The following CPE variants were observed in gnomAD, a reference collection of about 807,000 sequenced individuals.
CPE encodes carboxypeptidase E.
A neutral mutation model predicts 53.5 loss-of-function variants in CPE; 17 were observed. That is an observed-to-expected ratio of 0.32 (90% CI 0.22 to 0.48). The LOEUF is 0.48. CPE is among the 20% of genes least tolerant of loss of function. The pLI, the probability that CPE is intolerant of heterozygous loss-of-function variation, is 0.99. For missense variants in CPE, 524 were observed against 614.7 expected (o/e 0.85, Z 1.56); for synonymous variants, 226 against 228.8 (o/e 0.99, Z 0.11).
intron 6 of CPE, among the ~76,000 whole-genome samples, chr4:165,492,288 G>C (rs1732620724): frequency 6.6e-6 from 1 of 152,156 alleles, no homozygotes. Flanking sequence ...AGCAGTCACA[G>C]TATATATCTT....
At chr4:165,424,658 C>G (rs1227160121) in intron 1 of CPE, among the ~76,000 whole-genome samples, 1 of 151,812 alleles carries the variant, frequency 6.6e-6, no homozygotes, top group Non-Finnish European at 1.5e-5. Context: ...CTCAGCCTCC[C>G]GAGTACCTGG....
At position 165,379,126 on chromosome 4, in the gene CPE, C is replaced by G. The variant is rs2126648087; in HGVS notation, c.-96C>G. 1.8e-6 allele frequency: 2 copies of G among 1,098,154 alleles called. No individual in the cohort carries two copies. Among genetic ancestry groups the G allele is most frequent in the Non-Finnish European group, 2.3e-6 (2 of 876,786 alleles). 68.0% of individuals were successfully genotyped at this position (1,098,154 alleles called of 1,614,324 possible). On this transcript the variant is annotated 5_prime_UTR_variant, in exon 1 of 9. Transcript: ENST00000402744. This position sits in a 1 kb window ranked among gnomAD's most constrained non-coding sequence, Gnocchi z 6.0. Reference sequence around the variant, plus strand: ...GAGTAGAGGCTGGTGCGGAACTTGCCGCCCCCAGCAGCGCCGGCGGGCTAA... The same window carrying G: ...GAGTAGAGGCTGGTGCGGAACTTGCGGCCCCCAGCAGCGCCGGCGGGCTAA...
intron 1 of CPE, among the ~76,000 whole-genome samples, chr4:165,437,985 G>T (rs1731541194): frequency 6.6e-6 from 1 of 152,078 alleles, no homozygotes; most frequent in African/African-American, 2.4e-5. Context: ...ACTAGATGTT[G>T]GCACTCAACA....
At chr4:165,404,402 A>G (rs2126663465) in intron 1 of CPE, 1 of 765,034 alleles carries the variant, frequency 1.3e-6, no homozygotes, top group Non-Finnish European at 2.4e-6. Flanking sequence ...AATACCGTTC[A>G]TGTCAGAATT....
At chr4:165,380,307 T>C (rs992064228) in intron 1 of CPE, among the ~76,000 whole-genome samples, 2 of 152,130 alleles carry the variant, frequency 1.3e-5, no homozygotes, top group African/African-American at 4.8e-5. Context: ...TATAACCATT[T>C]GAGATGAATA....
rs150907869 is a variant in CPE, at chr4:165,479,312, G to A, written c.673-2930G>A. ...ATAAGAGTGTATTTCAGATCCCTGT[G>A]GAAAGAATGCATTATTGAATACATG... is the stretch of plus-strand genomic sequence containing the variant. On this transcript the variant is annotated intron_variant, in intron 3 of 8. Transcript: ENST00000402744. Among the ~76,000 whole-genome samples the A allele has an allele frequency of 6.1e-4, 93 of 152,174 alleles. No individual in the cohort carries two copies. The East Asian group carries it at 0.015, about 24-fold the overall frequency.
chr4:165,429,365 A>G (rs13131741), intron 1 of CPE, among the ~76,000 whole-genome samples: 44,906 of 152,062 alleles, frequency 0.3, 6,713 homozygotes, highest in Middle Eastern at 0.39. Flanking sequence ...TTATACAAAA[A>G]CATTCCCACT....
intron 1 of CPE, among the ~76,000 whole-genome samples, chr4:165,454,013 G>T (rs1320389623): frequency 1.3e-5 from 2 of 151,894 alleles, no homozygotes; most frequent in African/African-American, 4.8e-5. Context: ...ACAGTGGTGT[G>T]CTGGTAAATG....
At chr4:165,465,541 T>A (rs541166391) in intron 2 of CPE, among the ~76,000 whole-genome samples, 1 of 152,236 alleles carries the variant, frequency 6.6e-6, no homozygotes, top group East Asian at 1.9e-4. Context: ...TATCTAAACT[T>A]CCATGACTTA....
intron 3 of CPE, among the ~76,000 whole-genome samples, chr4:165,479,482 G>C (rs1198900296): frequency 6.6e-6 from 1 of 152,284 alleles, no homozygotes; most frequent in African/African-American, 2.4e-5. Context: ...TAAATTTCTT[G>C]TATAGACACT....
intron 1 of CPE, among the ~76,000 whole-genome samples, chr4:165,450,103 T>A (rs962893746): frequency 1.8e-4 from 24 of 136,642 alleles, no homozygotes; most frequent in Non-Finnish European, 3.5e-4. Context: ...TCTTTATTTC[T>A]TCATTTTTTT....
chr4:165,385,801 C>T (rs539461106), intron 1 of CPE, among the ~76,000 whole-genome samples: 29 of 152,234 alleles, frequency 1.9e-4, no homozygotes, highest in South Asian at 8.3e-4. Flanking sequence ...AATAAATCTA[C>T]GGCAATATCA....
At chr4:165,450,788 T>C (rs1731794792) in intron 1 of CPE, among the ~76,000 whole-genome samples, 1 of 152,232 alleles carries the variant, frequency 6.6e-6, no homozygotes, top group Non-Finnish European at 1.5e-5. Context: ...ATAATGAATC[T>C]TGGAGCTGAA....
At chr4:165,415,183 A>G (rs1325176216) in intron 1 of CPE, 1 of 166,964 alleles carries the variant, frequency 6.0e-6, no homozygotes, top group Non-Finnish European at 1.5e-5. Context: ...TTGGAGAATG[A>G]TCTTTACAGG....
At chr4:165,438,264 C>T (rs538773621) in intron 1 of CPE, among the ~76,000 whole-genome samples, 13 of 152,054 alleles carry the variant, frequency 8.5e-5, no homozygotes, top group South Asian at 8.3e-4. Flanking sequence ...TGAGTATGAG[C>T]AATATTGGCG....
intron 6 of CPE, among the ~76,000 whole-genome samples, chr4:165,487,989 AGAGT>A (rs1310578448): frequency 1.3e-5 from 2 of 152,112 alleles, no homozygotes; most frequent in Non-Finnish European, 2.9e-5. Context: ...TTAGCACTTG[AGAGT>A]GAGTGTCTCT....
chr4:165,406,344 A>G (rs973904588), intron 1 of CPE: 18 of 523,442 alleles, frequency 3.4e-5, no homozygotes, highest in African/African-American at 3.3e-4. Context: ...CCGGTAGACC[A>G]CCATGTTGAG....
At chr4:165,461,916 CA>C (rs1732015731) in intron 1 of CPE, among the ~76,000 whole-genome samples, 2 of 152,200 alleles carry the variant, frequency 1.3e-5, no homozygotes, top group African/African-American at 4.8e-5. Flanking sequence ...GTTAGAGATA[CA>C]CTTGCCTTTT....
intron 1 of CPE, among the ~76,000 whole-genome samples, chr4:165,407,539 G>A (rs1002133186): frequency 3.3e-5 from 5 of 151,016 alleles, no homozygotes; most frequent in Non-Finnish European, 7.4e-5. Flanking sequence ...ATCATGCCGG[G>A]CTTCAATTTT....
Sources: gnomAD v4.1 joint callset for allele counts (sites outside exome capture counted in the v4.1 genomes callset) on GRCh38, gnomAD v4.1.1 for gene constraint, Gnocchi (gnomAD v3.1) non-coding constraint, MANE v1.5 for transcripts, NCBI Gene and HGNC (gene_info 2026-07-23, HGNC 2026-07-21) for gene names.